Variants in NSD3 observed in about 807,000 individuals in gnomAD.
NSD3 encodes nuclear receptor binding SET domain protein 3.
In NSD3, 24 loss-of-function variants were observed where a neutral mutation model predicts 160.8. The observed-to-expected ratio is 0.15, with a 90% CI of 0.11 to 0.21. NSD3 has a LOEUF of 0.21. Ranked by LOEUF, NSD3 falls within the 10% of genes least tolerant of loss-of-function variation. The pLI is 1.00. For missense variants in NSD3, 1,157 were observed against 1,735.9 expected, an observed-to-expected ratio of 0.67 and a Z score of 5.93; for synonymous variants, 520 against 600.0, an observed-to-expected ratio of 0.87 and a Z score of 1.95.
At chr8:38,344,130 T>C (rs1283181945) in intron 2 of NSD3, among the ~76,000 whole-genome samples, 1 of 152,242 alleles carries the variant, frequency 6.6e-6, no homozygotes, top group Non-Finnish European at 1.5e-5. Flanking sequence ...GGACACATTT[T>C]CATTGCTGAG....
chr8:38,300,198 GTCAC>G (rs1371280525), intron 14 of NSD3, among the ~76,000 whole-genome samples: 2 of 151,824 alleles, frequency 1.3e-5, no homozygotes, highest in East Asian at 3.9e-4. Flanking sequence ...GTCTTGCTCT[GTCAC>G]TCAGACTGGA....
At chr8:38,378,629 G>A (rs1225795068) in intron 1 of NSD3, among the ~76,000 whole-genome samples, 4 of 151,980 alleles carry the variant, frequency 2.6e-5, no homozygotes, top group African/African-American at 7.3e-5. Context: ...GTGACAGAGC[G>A]AGACTCCGTC....
chr8:38,359,166 TAA>T (rs1256948940), intron 1 of NSD3, among the ~76,000 whole-genome samples: 1 of 152,160 alleles, frequency 6.6e-6, no homozygotes, highest in African/African-American at 2.4e-5. Context: ...TTTTCATAAT[TAA>T]AAAATTTTTA....
chr8:38,363,385 T>C (rs886111252), intron 1 of NSD3, among the ~76,000 whole-genome samples: 3 of 152,182 alleles, frequency 2.0e-5, no homozygotes, highest in Non-Finnish European at 4.4e-5. Context: ...GGCTTATGCC[T>C]GTAATCCCAG....
intron 19 of NSD3, among the ~76,000 whole-genome samples, chr8:38,285,878 T>A (rs909755309): frequency 2.6e-5 from 4 of 152,156 alleles, no homozygotes; most frequent in Non-Finnish European, 4.4e-5. Flanking sequence ...CCCCAGTGAT[T>A]CCACGTCACC....
In NSD3 at chr8:38,275,779, C is replaced by T. The variant is rs560214975; in HGVS notation, c.4176G>A (p.Gly1392=). 12 of 1,613,992 alleles carry T rather than the reference C, an allele frequency of 7.4e-6. No individual in the cohort carries two copies. In the Admixed American group the frequency reaches 8.3e-5, roughly 11 times the overall value. Residue 1392 remains glycine, a synonymous_variant, in exon 24 of 24, where the codon GGG becomes GGA. Transcript: ENST00000317025. ...PHSFCKDHEK[G]ALVPSALEGR... The stretch of plus-strand genomic sequence containing the variant: ...CTTCCAGTGCAGAGGGAACCAGGGC[C>T]CCCTTTTCATGATCTTTACAAAATG...
At chr8:38,337,993 C>G (rs1351610147) in intron 3 of NSD3, among the ~76,000 whole-genome samples, 1 of 152,060 alleles carries the variant, frequency 6.6e-6, no homozygotes, top group African/African-American at 2.4e-5. Flanking sequence ...AAATTATTAA[C>G]AAGGCATGTT....
At chr8:38,278,029 C>A (rs1192878381) in intron 22 of NSD3, among the ~76,000 whole-genome samples, 1 of 151,602 alleles carries the variant, frequency 6.6e-6, no homozygotes, top group Non-Finnish European at 1.5e-5. Flanking sequence ...AGCTCCGCAT[C>A]CCGGGTTCAC....
rs1274129367 is a variant in NSD3, at chr8:38,272,212, C to T, written c.*3429G>A. 6.6e-6 allele frequency: 1 copy of T among 152,184 alleles called. No homozygotes were observed. Among genetic ancestry groups the T allele is most frequent in the African/African-American group, 2.4e-5 (1 of 41,448 alleles). 9.4% of individuals were successfully genotyped at this position (152,184 alleles called of 1,614,324 possible). On this transcript the variant is annotated 3_prime_UTR_variant, in exon 24 of 24. Coordinates refer to ENST00000317025, the MANE Select transcript of NSD3 (RefSeq NM_023034.2). ...GGGAGCAGTCCCCCTGCCTCCATTA[C>T]TTTTTTAGCTTTCACATATGTTCTT... is the stretch of plus-strand genomic sequence containing the variant.
chr8:38,291,811 T>C (rs1369256852), intron 16 of NSD3, among the ~76,000 whole-genome samples: 2 of 152,208 alleles, frequency 1.3e-5, no homozygotes, highest in African/African-American at 4.8e-5. Context: ...TCCTCATATT[T>C]TCCCCCAAGA....
rs138192992 is a variant in NSD3 at position 38,271,405 on chromosome 8, C to T, written c.*4236G>A. 3.9e-5 allele frequency: 6 copies of T among 152,204 alleles called. No homozygotes were observed. The South Asian group carries it at 6.2e-4, about 16-fold the overall frequency. 9.4% of individuals were successfully genotyped at this position (152,204 alleles called of 1,614,324 possible). A position where few individuals can be genotyped will look rare whatever the true frequency, so the allele number is the denominator to read the frequency against. On this transcript the variant is annotated 3_prime_UTR_variant, in exon 24 of 24. Coordinates refer to ENST00000317025, the MANE Select transcript of NSD3 (RefSeq NM_023034.2). ...TACCTGTGGTAAACATTATCCCCCC[C>T]CTTACCCTTTACCAGGAGAAAGGGG...
At chr8:38,350,123 G>A (rs1192345090) in intron 1 of NSD3, among the ~76,000 whole-genome samples, 1 of 152,052 alleles carries the variant, frequency 6.6e-6, no homozygotes, top group Non-Finnish European at 1.5e-5. Context: ...CTTTGCTATT[G>A]TGAGTACTGC....
chr8:38,347,149 A>G (rs566723740), intron 2 of NSD3, among the ~76,000 whole-genome samples: 4 of 152,340 alleles, frequency 2.6e-5, no homozygotes, highest in Non-Finnish European at 4.4e-5. Flanking sequence ...TTGGTCTAAA[A>G]TAATGAAAAC....
chr8:38,366,443 GTC>G (rs372604973), intron 1 of NSD3, among the ~76,000 whole-genome samples: 1 of 120,198 alleles, frequency 8.3e-6, no homozygotes, highest in Non-Finnish European at 1.8e-5. Flanking sequence ...TTGAGATAGA[GTC>G]TCTGTCGTCG....
intron 4 of NSD3, among the ~76,000 whole-genome samples, chr8:38,331,910 T>C (rs1423622061): frequency 6.6e-6 from 1 of 152,238 alleles, no homozygotes; most frequent in East Asian, 1.9e-4. Context: ...CATAAAAATA[T>C]AATTAATGAT....
rs775126556 is a variant in NSD3 at position 38,314,705 on chromosome 8, C to T, written c.2184G>A (p.Glu728=). The T allele has an allele frequency of 6.2e-7, 1 of 1,614,116 alleles. No individual in the cohort carries two copies. The change falls in exon 12 of 24, where the codon GAG becomes GAA. Residue 728 remains glutamate (E), a synonymous_variant. Transcript: ENST00000317025. ...EGECCKHFHL[E]CLGLASLPDS... ...CAGGAAGTGATGCCAATCCCAGGCA[C>T]TCCAGGTGAAAGTGTTTGCAGCACT... is the stretch of plus-strand genomic sequence containing the variant.
chr8:38,278,286 CG>C lies in NSD3; in HGVS notation c.3867+19del. 3 of 1,607,872 alleles carry C rather than the reference CG, an allele frequency of 1.9e-6. No homozygotes were observed. The highest frequency in any genetic ancestry group is 2.6e-6 in the Non-Finnish European group (3 of 1,175,596). The stretch of plus-strand genomic sequence containing the variant: ...CTCCTTATCGCCTGTTGACTGGGGG[CG>C]CTCCCCTGCAAGACTGACCTTTGGC... On this transcript the variant is annotated intron_variant, in intron 22 of 23. Coordinates refer to ENST00000317025, the MANE Select transcript of NSD3 (RefSeq NM_023034.2).
intron 20 of NSD3, chr8:38,279,942 T>C (rs958262468): frequency 6.0e-5 from 22 of 369,520 alleles, no homozygotes; most frequent in Admixed American, 1.2e-4. Flanking sequence ...CATGGAATAA[T>C]GCTATTTAGA....
At position 38,290,455 on chromosome 8, in the gene NSD3, G is replaced by A. The variant is rs1182593683; in HGVS notation, c.3118+20C>T. ...ACCGGAGTTGTAGTTTTGAGTCACT[G>A]TAAACATCATCCAGCTTACCCTTTT... On this transcript the variant is annotated intron_variant, in intron 17 of 23. Coordinates refer to ENST00000317025, the MANE Select transcript of NSD3 (RefSeq NM_023034.2). 1 of 1,613,452 alleles carries A rather than the reference G, an allele frequency of 6.2e-7. No individual in the cohort carries two copies. The highest frequency in any genetic ancestry group is 2.2e-5 in the East Asian group (1 of 44,872).
Sources: allele counts gnomAD v4.1 joint callset (sites outside exome capture counted in the v4.1 genomes callset), GRCh38; gene constraint gnomAD v4.1.1; transcripts MANE v1.5; gene names NCBI Gene and HGNC (gene_info 2026-07-23, HGNC 2026-07-21).